COL6A3: variants seen among roughly 807,000 people sequenced by gnomAD.
COL6A3 encodes the protein collagen type VI alpha 3 chain.
COL6A3 carries 137 observed loss-of-function variants against 274.1 expected under a neutral mutation model. The observed-to-expected ratio is 0.50, with a 90% CI of 0.44 to 0.58. The LOEUF (loss-of-function observed/expected upper bound fraction) is 0.58, where lower values mean the gene tolerates loss of function less well. COL6A3 is among the 20% of genes least tolerant of loss of function. The probability of loss-of-function intolerance (pLI) is 0.00; values close to 1 mark genes in which losing one functional copy is unlikely to be tolerated. For missense variants in COL6A3, 3,950 were observed against 4,124.9 expected, an observed-to-expected ratio of 0.96 and a Z score of 1.16; for synonymous variants, 1,650 against 1,650.6, an observed-to-expected ratio of 1.00 and a Z score of 0.01.
chr2:237,360,278 A>T (rs2077405624), intron 16 of COL6A3, 119 bp from the exon 17 acceptor site: 1 of 1,014,848 alleles, frequency 9.9e-7, no homozygotes, highest in South Asian at 1.4e-5. Flanking sequence ...AGATTTCACC[A>T]TGGGGAACGC....
chr2:237,334,733 G>T lies in COL6A3; in HGVS notation c.9122C>A (p.Thr3041Lys). 6.2e-7 allele frequency: 1 copy of T among 1,614,120 alleles called. No individual in the cohort carries two copies. The highest frequency in any genetic ancestry group is 1.3e-5 in the African/African-American group (1 of 75,036). The change falls in exon 41 of 44, where the codon ACG (threonine) becomes AAG (lysine). Residue 3041 changes from threonine to lysine, a missense_variant. By Grantham distance (78) the Thr-to-Lys change is moderately conservative. Transcript: ENST00000295550. ...GAGCAGGCCTCCAATGACGCGGTCC[G>T]TGACCGTGAGGTTCTGCTTCAGAAC... is the stretch of plus-strand genomic sequence containing the variant. ...SLVLKQNLTV[T>K]DRVIGGLLAG...
intron 36 of COL6A3, 164 bp from the exon 37 acceptor site, chr2:237,342,325 G>C: frequency 1.5e-6 from 1 of 661,894 alleles, no homozygotes; most frequent in Non-Finnish European, 2.7e-6. Context: ...TAGGCTCTGA[G>C]TATAATAGAA....
At position 237,344,714 on chromosome 2, in the gene COL6A3, G is replaced by A; in HGVS notation, c.7304C>T (p.Ala2435Val). 6.2e-7 allele frequency: 1 copy of A among 1,606,868 alleles called. No individual in the cohort carries two copies. Among genetic ancestry groups the A allele is most frequent in the Non-Finnish European group, 8.5e-7 (1 of 1,176,268 alleles). Residue 2435 changes from alanine (A) to valine (V), a missense_variant, in exon 36 of 44, where the codon GCT becomes GTT. Coordinates refer to ENST00000295550, the MANE Select transcript of COL6A3 (RefSeq NM_004369.4). This position sits in a 1 kb window ranked among gnomAD's most constrained non-coding sequence, Gnocchi z 4.8. ...GGCCCCCCGTGGGCAGTTGCTCTCAGCAATGGTCAGGTCATTCACAATACT... is the reference window on the plus strand; with the variant it reads ...GGCCCCCCGTGGGCAGTTGCTCTCAACAATGGTCAGGTCATTCACAATACT... ...VLSIVNDLTIAESNCPRGARV... is the reference protein window; with the variant it reads ...VLSIVNDLTIVESNCPRGARV...
At chr2:237,348,203 G>A (rs6711506) in intron 30 of COL6A3, 146 bp downstream of exon 30, 14 of 772,370 alleles carry the variant, frequency 1.8e-5, no homozygotes, top group Non-Finnish European at 3.0e-5. Context: ...GAGTATTTTA[G>A]GGAAGGAAGG....
At position 237,376,800 on chromosome 2, in the gene COL6A3, T is replaced by C. The variant is rs915245460; in HGVS notation, c.3042A>G (p.Lys1014=). The change falls in exon 7 of 44, where the codon AAA becomes AAG. Residue 1014 remains lysine, a synonymous_variant. Transcript: ENST00000295550. ...DLHPQIVNLL[K]SVHNGAPAPV... ...GTGCTGGTGCTCCGTTGTGCACTGA[T>C]TTTAAGAGATTCACTATCTGTGGAT... is the stretch of plus-strand genomic sequence containing the variant. The C allele has an allele frequency of 1.9e-6, 3 of 1,614,094 alleles. No homozygotes were observed. Among genetic ancestry groups the C allele is most frequent in the Non-Finnish European group, 2.5e-6 (3 of 1,180,038 alleles).
intron 37 of COL6A3, 22 bp from the exon 38 acceptor site, chr2:237,341,172 T>C (rs1168737635): frequency 6.2e-7 from 1 of 1,609,104 alleles, no homozygotes; most frequent in South Asian, 1.1e-5. Context: ...CATGGCAGCC[T>C]ATTTGTTCTG....
chr2:237,383,662 C>A (rs1293561052), intron 4 of COL6A3, among the ~76,000 whole-genome samples: 2 of 152,090 alleles, frequency 1.3e-5, no homozygotes, highest in African/African-American at 4.8e-5. Context: ...ACTCATATAA[C>A]AATGACCTGA....
At position 237,394,063 on chromosome 2, in the gene COL6A3, G is replaced by T. The variant is rs192770484; in HGVS notation, c.709+524C>A. Among the ~76,000 whole-genome samples, 6 of 152,272 alleles carry T rather than the reference G, an allele frequency of 3.9e-5. No individual in the cohort carries two copies. The East Asian group carries it at 1.2e-3, about 29-fold the overall frequency. The stretch of plus-strand genomic sequence containing the variant: ...TTTTTTCCAAAATCAATCTAGACTG[G>T]ATCATAGCTGAGGTTTCTTGTAATT... On this transcript the variant is annotated intron_variant, in intron 3 of 43. Transcript: ENST00000295550.
intron 3 of COL6A3, among the ~76,000 whole-genome samples, chr2:237,393,052 A>C (rs73093788): frequency 0.013 from 2,044 of 152,212 alleles, 64 homozygotes; most frequent in African/African-American, 0.046. Context: ...TCCAGCTCTC[A>C]TTAGCTCCCC....
In COL6A3 at chr2:237,413,009, A is replaced by C. The variant is rs540955708; in HGVS notation, c.-31+944T>G. ...CTAGTCCCTCCCAGTGACCCCACCCATACTTCAATACCCGTTCATTATCCA... is the reference window on the plus strand; with the variant it reads ...CTAGTCCCTCCCAGTGACCCCACCCCTACTTCAATACCCGTTCATTATCCA... On this transcript the variant is annotated intron_variant, in intron 1 of 43. Coordinates refer to ENST00000295550, the MANE Select transcript of COL6A3 (RefSeq NM_004369.4). The surrounding 1 kb of genome is among the most constrained non-coding windows in gnomAD (Gnocchi z 4.0). Among the ~76,000 whole-genome samples the C allele has an allele frequency of 5.9e-5, 9 of 152,238 alleles. No homozygotes were observed. In the East Asian group the frequency reaches 1.7e-3, roughly 29 times the overall value.
chr2:237,411,056 G>A (rs1426404139), intron 1 of COL6A3, among the ~76,000 whole-genome samples: 1 of 152,166 alleles, frequency 6.6e-6, no homozygotes, highest in East Asian at 1.9e-4. Context: ...AGCTATTTAT[G>A]TAGCAGTGAT....
At chr2:237,354,786 G>T (rs2077281252) in intron 24 of COL6A3, 113 bp downstream of exon 24, 3 of 853,346 alleles carry the variant, frequency 3.5e-6, no homozygotes, top group Non-Finnish European at 5.4e-6. Context: ...TAAATTGATT[G>T]GTATCTGTCT....
chr2:237,341,543 TAAAAAAAA>T (rs71039760), intron 37 of COL6A3, among the ~76,000 whole-genome samples: 8 of 49,098 alleles, frequency 1.6e-4, no homozygotes, highest in African/African-American at 6.3e-4. Flanking sequence ...AGACTCTGTC[TAAAAAAAA>T]AAAAAAAAAA....
chr2:237,372,168 C>A lies in COL6A3; in HGVS notation c.3849G>T (p.Glu1283Asp), dbSNP rs1467855912. 1.2e-6 allele frequency: 2 copies of A among 1,614,166 alleles called. No homozygotes were observed. The highest frequency in any genetic ancestry group is 2.2e-5 in the East Asian group (1 of 44,874). The change falls in exon 9 of 44, where the codon GAG becomes GAT. Residue 1283 changes from glutamate to aspartate, a missense_variant. Physicochemically the swap from Glu to Asp is conservative, Grantham distance 45. Transcript: ENST00000295550. Reference protein sequence around the residue: ...VIQFSDDPKVEFLLNAHSSKD... With the variant: ...VIQFSDDPKVDFLLNAHSSKD... ...TGCTGGAATGGGCGTTCAGCAGGAA[C>A]TCCACCTTGGGGTCATCGCTGAACT...
chr2:237,347,448 T>C (rs908335121), intron 31 of COL6A3, among the ~76,000 whole-genome samples: 5 of 152,216 alleles, frequency 3.3e-5, no homozygotes, highest in Non-Finnish European at 7.3e-5. Context: ...CCATGCCTCA[T>C]TCACTCCCAT....
At chr2:237,360,560 C>A (rs933571193) in intron 16 of COL6A3, among the ~76,000 whole-genome samples, 4 of 152,268 alleles carry the variant, frequency 2.6e-5, no homozygotes, top group Admixed American at 1.3e-4. Context: ...CCACACTGTT[C>A]CTCGTGAGCC....
chr2:237,365,295 G>A (rs145631225), intron 12 of COL6A3, among the ~76,000 whole-genome samples: 1 of 151,974 alleles, frequency 6.6e-6, no homozygotes. Context: ...CCGCCAGGCT[G>A]TAGTACTTCA....
rs747509514 is a variant in COL6A3, at chr2:237,367,060, C to G, written c.5127G>C (p.Val1709=). ...TGGCGTGTCTTCCCCCTTTGTAGAC[C>G]ACTTTGTTGATGGCGTCAATAATCT... ...KRQIIDAINK[V]VYKGGRHANT... Residue 1709 remains valine (V), a synonymous_variant, in exon 11 of 44, where the codon GTG becomes GTC. Coordinates refer to ENST00000295550, the MANE Select transcript of COL6A3 (RefSeq NM_004369.4). 6.8e-6 allele frequency: 11 copies of G among 1,614,212 alleles called. No individual in the cohort carries two copies. The highest frequency in any genetic ancestry group is 1.3e-5 in the African/African-American group (1 of 75,062).
rs183630354 is a variant in COL6A3 at position 237,364,629 on chromosome 2, A to C, written c.5839-201T>G. Among the ~76,000 whole-genome samples the C allele has an allele frequency of 3.9e-5, 6 of 152,336 alleles. No individual in the cohort carries two copies. In the East Asian group the frequency reaches 9.6e-4, roughly 24 times the overall value. On this transcript the variant is annotated intron_variant, in intron 12 of 43. Coordinates refer to ENST00000295550, the MANE Select transcript of COL6A3 (RefSeq NM_004369.4). The surrounding 1 kb of genome is among the most constrained non-coding windows in gnomAD (Gnocchi z 4.6). ...ATGGAGGAGTATATTTGAGTGCTTA[A>C]TTTATTTTAAAAAAGACAAGCAGCA... is the stretch of plus-strand genomic sequence containing the variant.
Sources: allele counts gnomAD v4.1 joint callset (sites outside exome capture counted in the v4.1 genomes callset), GRCh38; gene constraint gnomAD v4.1.1; non-coding constraint Gnocchi (gnomAD v3.1); transcripts MANE v1.5; gene names NCBI Gene and HGNC (gene_info 2026-07-23, HGNC 2026-07-21).